The following HTR1F variants were observed in gnomAD, a reference collection of about 807,000 sequenced individuals.
HTR1F encodes the protein 5-hydroxytryptamine (serotonin) receptor 1F, G protein-coupled.
Under a neutral mutation model 24.0 loss-of-function variants are expected in HTR1F, and 17 were observed. The ratio of observed to expected loss-of-function variants is 0.71; its 90% CI spans 0.48 to 1.06. The LOEUF is 1.06. Among genes scored for constraint, HTR1F ranks in the 50% least tolerant of loss-of-function variants. The probability of loss-of-function intolerance (pLI) is 0.00; values close to 1 mark genes in which losing one functional copy is unlikely to be tolerated. For missense variants in HTR1F, 391 were observed against 427.8 expected (o/e 0.91, Z 0.76); for synonymous variants, 186 against 156.8 (o/e 1.19, Z -1.39).
At chr3:87,795,023 C>T (rs1420749911) in intron 1 of HTR1F, among the ~76,000 whole-genome samples, 3 of 112,182 alleles carry the variant, frequency 2.7e-5, no homozygotes, top group African/African-American at 7.1e-5. Context: ...GATGGAGTCT[C>T]TGTCTCCACG....
At chr3:87,908,177 T>A (rs1402050189) in intron 2 of HTR1F, among the ~76,000 whole-genome samples, 2 of 152,014 alleles carry the variant, frequency 1.3e-5, no homozygotes, top group Non-Finnish European at 2.9e-5. Flanking sequence ...ATTTGAAATG[T>A]TGCCTTATAT....
At chr3:87,803,045 CT>C (rs1337772193) in intron 1 of HTR1F, among the ~76,000 whole-genome samples, 5 of 152,138 alleles carry the variant, frequency 3.3e-5, no homozygotes, top group African/African-American at 1.2e-4. Context: ...CTTACCTTTC[CT>C]AAATGAAGTC....
At chr3:87,876,565 A>C (rs1349936023) in intron 2 of HTR1F, among the ~76,000 whole-genome samples, 3 of 152,216 alleles carry the variant, frequency 2.0e-5, no homozygotes, top group African/African-American at 7.2e-5. Flanking sequence ...CAAAATGCTA[A>C]GTGAAATAAG....
intron 2 of HTR1F, among the ~76,000 whole-genome samples, chr3:87,914,208 G>A (rs1359591505): frequency 2.0e-5 from 3 of 152,082 alleles, no homozygotes; most frequent in Non-Finnish European, 4.4e-5. Flanking sequence ...AGCTCACTGG[G>A]TCCCCTACCA....
intron 2 of HTR1F, among the ~76,000 whole-genome samples, chr3:87,948,777 T>A (rs1704770242): frequency 6.6e-6 from 1 of 152,216 alleles, no homozygotes; most frequent in Non-Finnish European, 1.5e-5. Context: ...TCGTGCCCAG[T>A]CTTTTTTATG....
chr3:87,883,736 G>T (rs1705866439), intron 2 of HTR1F, among the ~76,000 whole-genome samples: 1 of 152,066 alleles, frequency 6.6e-6, no homozygotes, highest in Non-Finnish European at 1.5e-5. Flanking sequence ...GTGGAAGAAA[G>T]GATATCAGTG....
Position 87,909,873 on chromosome 3 carries a change from G to C in HTR1F, c.-42-80835G>C, listed in dbSNP as rs1703740335. Among the ~76,000 whole-genome samples, 4 of 152,002 alleles carry C rather than the reference G, an allele frequency of 2.6e-5. No individual in the cohort carries two copies. In the South Asian group the frequency reaches 8.3e-4, roughly 32 times the overall value. ...TCTTTAGCGGGAGAAAGAGGAAAAT[G>C]ACAAAAGAGTGTACTATCCAGTTTT... On this transcript the variant is annotated intron_variant, in intron 2 of 2. Coordinates refer to ENST00000319595, the MANE Select transcript of HTR1F (RefSeq NM_001322209.2).
At chr3:87,954,294 T>C (rs1187615222) in intron 2 of HTR1F, among the ~76,000 whole-genome samples, 2 of 151,822 alleles carry the variant, frequency 1.3e-5, no homozygotes, top group African/African-American at 2.4e-5. Flanking sequence ...TATCAAAATA[T>C]CACTTGTACC....
intron 2 of HTR1F, among the ~76,000 whole-genome samples, chr3:87,902,439 A>G (rs1397923292): frequency 6.6e-6 from 1 of 152,092 alleles, no homozygotes; most frequent in Admixed American, 6.6e-5. Context: ...GTAATCCTAA[A>G]TGTGAGAAGA....
chr3:87,972,318 T>C (rs1300298845), intron 2 of HTR1F, among the ~76,000 whole-genome samples: 1 of 152,208 alleles, frequency 6.6e-6, no homozygotes. Flanking sequence ...AAAGTTTCCA[T>C]CTATTGCTTG....
At chr3:87,851,618 A>G (rs1261944386) in intron 2 of HTR1F, among the ~76,000 whole-genome samples, 2 of 151,628 alleles carry the variant, frequency 1.3e-5, no homozygotes, top group Non-Finnish European at 2.9e-5. Flanking sequence ...CTAATATTCC[A>G]TGCTGTTGAT....
chr3:87,837,995 A>G (rs894417508), intron 2 of HTR1F, among the ~76,000 whole-genome samples: 19 of 152,016 alleles, frequency 1.2e-4, no homozygotes, highest in Admixed American at 8.5e-4. Flanking sequence ...CGTGGATACT[A>G]TATGGAAATA....
chr3:87,828,333 G>A (rs1289214805), intron 2 of HTR1F, among the ~76,000 whole-genome samples: 2 of 152,164 alleles, frequency 1.3e-5, no homozygotes, highest in East Asian at 1.9e-4. Context: ...TTAGGCTTAT[G>A]TTTTTAGCCT....
chr3:87,952,107 C>G (rs1704846945), intron 2 of HTR1F, among the ~76,000 whole-genome samples: 1 of 151,782 alleles, frequency 6.6e-6, no homozygotes, highest in Non-Finnish European at 1.5e-5. Context: ...TTCAAAGTGG[C>G]ATTAACTCAT....
intron 1 of HTR1F, among the ~76,000 whole-genome samples, chr3:87,800,957 C>T (rs900399670): frequency 1.3e-5 from 2 of 152,158 alleles, no homozygotes; most frequent in Non-Finnish European, 2.9e-5. Flanking sequence ...AACAAAATAT[C>T]AAGAAAAGTA....
At chr3:87,943,772 C>A (rs1325945083) in intron 2 of HTR1F, among the ~76,000 whole-genome samples, 1 of 152,238 alleles carries the variant, frequency 6.6e-6, no homozygotes, top group African/African-American at 2.4e-5. Context: ...ATACTTCCCT[C>A]AGGAGGCCGG....
At chr3:87,841,042 T>C (rs1306485787) in intron 2 of HTR1F, among the ~76,000 whole-genome samples, 1 of 151,938 alleles carries the variant, frequency 6.6e-6, no homozygotes, top group Non-Finnish European at 1.5e-5. Flanking sequence ...TAATTAATAA[T>C]TTTGTATTGT....
chr3:87,904,124 A>G (rs1188649841), intron 2 of HTR1F, among the ~76,000 whole-genome samples: 1 of 152,152 alleles, frequency 6.6e-6, no homozygotes, highest in Admixed American at 6.6e-5. Flanking sequence ...AAAAACGTTT[A>G]CAACATCATT....
intron 2 of HTR1F, among the ~76,000 whole-genome samples, chr3:87,923,954 C>A (rs1480501884): frequency 6.6e-6 from 1 of 151,832 alleles, no homozygotes; most frequent in African/African-American, 2.4e-5. Context: ...CTTTAGTTTT[C>A]TTTTTATTTT....
Sources: gnomAD v4.1 joint callset for allele counts (sites outside exome capture counted in the v4.1 genomes callset) on GRCh38, gnomAD v4.1.1 for gene constraint, MANE v1.5 for transcripts, NCBI Gene and HGNC (gene_info 2026-07-23, HGNC 2026-07-21) for gene names.